GALNT17: variants seen among roughly 807,000 people sequenced by gnomAD.
GALNT17 encodes UDP-GalNAc:polypeptide N-acetylgalactosaminyltransferase-like 3.
A neutral mutation model predicts 63.7 loss-of-function variants in GALNT17; 29 were observed. The observed-to-expected ratio is 0.46, with a 90% confidence interval of 0.34 to 0.62. The LOEUF is 0.62. Ranked by LOEUF, GALNT17 falls within the 20% of genes least tolerant of loss-of-function variation. The pLI, the probability that GALNT17 is intolerant of heterozygous loss-of-function variation, is 0.01. For missense variants in GALNT17, 603 were observed against 799.6 expected, an observed-to-expected ratio of 0.75 and a Z score of 2.97; for synonymous variants, 305 against 318.3, an observed-to-expected ratio of 0.96 and a Z score of 0.45.
intron 5 of GALNT17, among the ~76,000 whole-genome samples, chr7:71,561,488 T>C (rs1279056077): frequency 6.6e-6 from 1 of 152,118 alleles, no homozygotes; most frequent in African/African-American, 2.4e-5. Context: ...GAGAAAGTGC[T>C]TAGCAAACAG....
intron 5 of GALNT17, among the ~76,000 whole-genome samples, chr7:71,503,909 T>C (rs1788222494): frequency 6.6e-6 from 1 of 151,560 alleles, no homozygotes. Context: ...GCCTGGCCAA[T>C]ACAGTGAAAC....
At chr7:71,134,837 T>G (rs1787752175) in intron 1 of GALNT17, among the ~76,000 whole-genome samples, 3 of 13,966 alleles carry the variant, frequency 2.1e-4, no homozygotes, top group South Asian at 4.1e-3. Context: ...GTTTTATGGT[T>G]TTTTTTTTTT....
At chr7:71,306,437 T>G (rs1791299057) in intron 1 of GALNT17, among the ~76,000 whole-genome samples, 1 of 152,044 alleles carries the variant, frequency 6.6e-6, no homozygotes, top group Admixed American at 6.6e-5. Context: ...TTTCTCTGTC[T>G]CTAGAATTTG....
At chr7:71,444,847 C>T (rs1011326903) in intron 5 of GALNT17, among the ~76,000 whole-genome samples, 4 of 152,032 alleles carry the variant, frequency 2.6e-5, no homozygotes, top group East Asian at 1.9e-4. Flanking sequence ...AACAAACAAA[C>T]GAAATGTTAC....
intron 5 of GALNT17, among the ~76,000 whole-genome samples, chr7:71,436,716 C>T (rs1412971892): frequency 1.3e-5 from 2 of 149,626 alleles, no homozygotes; most frequent in Non-Finnish European, 3.0e-5. Flanking sequence ...GAGACTCCAT[C>T]TCAAAAAAAA....
chr7:71,355,160 CTTGTATTTTT>C (rs1211476370), intron 2 of GALNT17, among the ~76,000 whole-genome samples: 1 of 151,950 alleles, frequency 6.6e-6, no homozygotes, highest in East Asian at 1.9e-4. Flanking sequence ...TATTCAAGAT[CTTGTATTTTT>C]CTATTCTCTG....
In GALNT17 at chr7:71,521,747, A is replaced by G. The variant is rs147560620; in HGVS notation, c.963-49538A>G. Among the ~76,000 whole-genome samples the G allele has an allele frequency of 5.4e-3, 827 of 152,340 alleles. 3 individuals are homozygous for G. The highest frequency in any genetic ancestry group is 9.7e-3 in the Non-Finnish European group (658 of 68,034). ...TGATGCTTTTGGTGGCAGACTGAAT[A>G]TCATCAATCATGCTGCAAGAAGGAA... On this transcript the variant is annotated intron_variant, in intron 5 of 10. Transcript: ENST00000333538.
chr7:71,277,956 C>G (rs1355661614), intron 1 of GALNT17, among the ~76,000 whole-genome samples: 1 of 152,156 alleles, frequency 6.6e-6, no homozygotes, highest in Non-Finnish European at 1.5e-5. Context: ...GTGAGCATAG[C>G]TTGTGTTTGG....
chr7:71,335,647 G>C lies in GALNT17; in HGVS notation c.336G>C (p.Lys112Asn). ...CCCCGGCTGAAGAAGAAAAGGCTAA[G>C]GGACCCCATGAGAAGTATGGCTACA... is the stretch of plus-strand genomic sequence containing the variant. ...TLSPAEEEKA[K>N]GPHEKYGYNS... The change falls in exon 2 of 11, where the codon AAG becomes AAC. Residue 112 changes from lysine to asparagine, a missense_variant. Physicochemically the swap from Lys to Asn is moderately conservative, Grantham distance 94. Coordinates refer to ENST00000333538, the MANE Select transcript of GALNT17 (RefSeq NM_022479.3). 6.2e-7 allele frequency: 1 copy of C among 1,613,700 alleles called. No individual in the cohort carries two copies. The highest frequency in any genetic ancestry group is 8.5e-7 in the Non-Finnish European group (1 of 1,179,804).
intron 5 of GALNT17, among the ~76,000 whole-genome samples, chr7:71,458,868 C>T (rs1000322358): frequency 1.3e-5 from 2 of 151,832 alleles, no homozygotes; most frequent in Admixed American, 1.3e-4. Flanking sequence ...GCTGGGGGTT[C>T]GGGGTTTATA....
In GALNT17 at chr7:71,132,929, C is replaced by T. The variant is rs778395109; in HGVS notation, c.127C>T (p.Arg43Trp). The T allele has an allele frequency of 1.2e-6, 2 of 1,611,422 alleles. No homozygotes were observed. Among genetic ancestry groups the T allele is most frequent in the Middle Eastern group, 1.7e-4 (1 of 6,056 alleles). ...CAGCGGAGACGCCTTCCACGAGATC[C>T]GGCCGCGCGCCGAGGTGGCCAACCT... The part of the protein sequence containing the change: ...VRSGDAFHEI[R>W]PRAEVANLSA... The change falls in exon 1 of 11, where the codon CGG becomes TGG. Residue 43 changes from arginine to tryptophan, a missense_variant. Coordinates refer to ENST00000333538, the MANE Select transcript of GALNT17 (RefSeq NM_022479.3).
At chr7:71,136,052 T>C (rs1040613103) in intron 1 of GALNT17, among the ~76,000 whole-genome samples, 2 of 151,984 alleles carry the variant, frequency 1.3e-5, no homozygotes, top group Non-Finnish European at 2.9e-5. Context: ...CAGGGAAAAA[T>C]TGTGAAATAT....
intron 5 of GALNT17, among the ~76,000 whole-genome samples, chr7:71,560,038 CA>C (rs1197363457): frequency 6.6e-6 from 1 of 151,296 alleles, no homozygotes; most frequent in Non-Finnish European, 1.5e-5. Flanking sequence ...TACAAAAATA[CA>C]AAAAATTAGC....
At chr7:71,264,219 G>T (rs893241055) in intron 1 of GALNT17, among the ~76,000 whole-genome samples, 6 of 152,140 alleles carry the variant, frequency 3.9e-5, no homozygotes, top group Non-Finnish European at 2.9e-5. Flanking sequence ...GCTCTCTAGG[G>T]GTTGAGCATG....
At chr7:71,428,733 G>A (rs372206318) in intron 5 of GALNT17, among the ~76,000 whole-genome samples, 2 of 152,122 alleles carry the variant, frequency 1.3e-5, no homozygotes, top group Non-Finnish European at 2.9e-5. Context: ...CACTGCGCCC[G>A]GCTGACATCG....
chr7:71,490,598 C>T (rs1787990530), intron 5 of GALNT17, among the ~76,000 whole-genome samples: 1 of 151,772 alleles, frequency 6.6e-6, no homozygotes, highest in Non-Finnish European at 1.5e-5. Context: ...GATGCCATCT[C>T]TACAAAATAT....
At chr7:71,498,599 A>G (rs1788131949) in intron 5 of GALNT17, among the ~76,000 whole-genome samples, 1 of 152,186 alleles carries the variant, frequency 6.6e-6, no homozygotes, top group African/African-American at 2.4e-5. Flanking sequence ...AAAATGTCAG[A>G]TTCATGGGTT....
chr7:71,680,902 T>C (rs891260570), intron 9 of GALNT17, among the ~76,000 whole-genome samples: 5 of 151,164 alleles, frequency 3.3e-5, no homozygotes, highest in African/African-American at 1.2e-4. Context: ...CTTCATTTTC[T>C]TCTTTCTTTT....
chr7:71,214,296 C>T (rs557442763), intron 1 of GALNT17, among the ~76,000 whole-genome samples: 4 of 152,262 alleles, frequency 2.6e-5, no homozygotes, highest in South Asian at 2.1e-4. Context: ...ACGAAGAGTA[C>T]CTTGAAGTCT....
Sources: gnomAD v4.1 joint callset for allele counts (sites outside exome capture counted in the v4.1 genomes callset) on GRCh38, gnomAD v4.1.1 for gene constraint, MANE v1.5 for transcripts, NCBI Gene and HGNC (gene_info 2026-07-23, HGNC 2026-07-21) for gene names.